PRLR: variants seen among roughly 807,000 people sequenced by gnomAD.
The protein encoded by PRLR is hPRL receptor.
Under a neutral mutation model 40.2 loss-of-function variants are expected in PRLR, and 13 were observed. That is an observed-to-expected ratio of 0.32 (90% CI 0.21 to 0.51). PRLR has a LOEUF of 0.51. PRLR is among the 20% of genes least tolerant of loss of function. The pLI is 0.97. For synonymous variants in PRLR, 269 were observed against 278.7 expected (o/e 0.97, Z 0.35); for missense variants, 656 against 747.3 (o/e 0.88, Z 1.42).
intron 1 of PRLR, among the ~76,000 whole-genome samples, chr5:35,174,592 C>T (rs527392182): frequency 6.6e-6 from 1 of 152,310 alleles, no homozygotes; most frequent in South Asian, 2.1e-4. Flanking sequence ...AGATGCTGTC[C>T]TTTGCCTTAT....
downstream of PRLR, among the ~76,000 whole-genome samples, chr5:35,052,785 G>A (rs1458794033): frequency 6.6e-6 from 1 of 152,158 alleles, no homozygotes; most frequent in Non-Finnish European, 1.5e-5. Context: ...CCTACACAGA[G>A]AGGCTAAGAA....
At chr5:35,136,375 G>T (rs1345089171) in intron 1 of PRLR, among the ~76,000 whole-genome samples, 1 of 152,202 alleles carries the variant, frequency 6.6e-6, no homozygotes, top group African/African-American at 2.4e-5. Context: ...TTTTGGACTG[G>T]ATAATATTTT....
At position 35,226,879 on chromosome 5, in the gene PRLR, C is replaced by A. The variant is rs1776567153; in HGVS notation, c.-106+3389G>T. 3.9e-5 allele frequency among the ~76,000 whole-genome samples: 6 copies of A among 152,348 alleles called. No homozygotes were observed. In the South Asian group the frequency reaches 1.2e-3, roughly 32 times the overall value. On this transcript the variant is annotated intron_variant, in intron 1 of 9. Coordinates refer to ENST00000618457, the MANE Select transcript of PRLR (RefSeq NM_000949.7). The stretch of plus-strand genomic sequence containing the variant: ...GCTGGGATCCTGTGTGTCTCATTCC[C>A]CACTGTGTCATCAAGTGCCCAGCAC...
chr5:35,162,885 C>A (rs139981834), intron 1 of PRLR, among the ~76,000 whole-genome samples: 1 of 152,160 alleles, frequency 6.6e-6, no homozygotes, highest in Admixed American at 6.5e-5. Flanking sequence ...AAGGGGAGTA[C>A]GTTGATATAT....
Position 35,221,458 on chromosome 5 carries a change from T to G in PRLR, c.-106+8810A>C, listed in dbSNP as rs180722376. Among the ~76,000 whole-genome samples the G allele has an allele frequency of 2.0e-4, 31 of 152,322 alleles. No individual in the cohort carries two copies. The East Asian group carries it at 5.6e-3, about 27-fold the overall frequency. On this transcript the variant is annotated intron_variant, in intron 1 of 9. Coordinates refer to ENST00000618457, the MANE Select transcript of PRLR (RefSeq NM_000949.7). Reference sequence around the variant, plus strand: ...AACTTAAATTATGCTCAAAATCATGTTTTTTAAAGAACAGAATGATGAAAT... The same window carrying G: ...AACTTAAATTATGCTCAAAATCATGGTTTTTAAAGAACAGAATGATGAAAT...
At chr5:35,218,699 T>A (rs927466853) in intron 1 of PRLR, among the ~76,000 whole-genome samples, 1 of 152,208 alleles carries the variant, frequency 6.6e-6, no homozygotes, top group Non-Finnish European at 1.5e-5. Flanking sequence ...TTATTTCGCT[T>A]CTACTAATAA....
intron 1 of PRLR, among the ~76,000 whole-genome samples, chr5:35,165,834 T>G (rs7442676): frequency 6.6e-6 from 1 of 152,210 alleles, no homozygotes; most frequent in East Asian, 1.9e-4. Flanking sequence ...GTTCCATGAC[T>G]ATTTCAGCAG....
At chr5:35,096,822 G>A (rs1296397621) in intron 2 of PRLR, among the ~76,000 whole-genome samples, 2 of 152,066 alleles carry the variant, frequency 1.3e-5, no homozygotes, top group Non-Finnish European at 2.9e-5. Flanking sequence ...GCTTTACCAT[G>A]TTGGCCAGGC....
intron 6 of PRLR, among the ~76,000 whole-genome samples, chr5:35,071,014 C>T (rs1422059308): frequency 6.6e-6 from 1 of 152,030 alleles, no homozygotes; most frequent in Non-Finnish European, 1.5e-5. Context: ...ACCTTACAAT[C>T]AAGGGATCAG....
intron 6 of PRLR, 125 bp downstream of exon 6, chr5:35,072,450 G>A: frequency 8.9e-7 from 1 of 1,129,686 alleles, no homozygotes; most frequent in Admixed American, 2.3e-5. Flanking sequence ...ATCTGGGTGG[G>A]TCACAACTGC....
chr5:35,055,178 G>A (rs150201392), downstream of PRLR, among the ~76,000 whole-genome samples: 1,779 of 152,188 alleles, frequency 0.012, 21 homozygotes, highest in Non-Finnish European at 0.017. Flanking sequence ...AGGAAAACAC[G>A]AACAAAAGAA....
chr5:35,229,852 CT>C lies in PRLR; in HGVS notation c.-106+415del, dbSNP rs199583689. On this transcript the variant is annotated intron_variant, in intron 1 of 9. Coordinates refer to ENST00000618457, the MANE Select transcript of PRLR (RefSeq NM_000949.7). ...TCTGCGCCCCTTCCCCCTCCCCGCT[CT>C]TTTTTTCTTTTCTTTTTATTTTGAC... 9.8e-3 allele frequency among the ~76,000 whole-genome samples: 1,493 copies of C among 152,166 alleles called. 23 individuals are homozygous for C. Among genetic ancestry groups the C allele is most frequent in the African/African-American group, 0.034 (1,414 of 41,518 alleles).
At chr5:35,183,388 C>G (rs1313051999) in intron 1 of PRLR, among the ~76,000 whole-genome samples, 1 of 152,144 alleles carries the variant, frequency 6.6e-6, no homozygotes, top group Non-Finnish European at 1.5e-5. Context: ...TTGTCGCCCC[C>G]CAATGGACAC....
chr5:35,156,148 A>G (rs891792925), intron 1 of PRLR, among the ~76,000 whole-genome samples: 100 of 150,308 alleles, frequency 6.7e-4, no homozygotes, highest in Admixed American at 2.0e-4. Flanking sequence ...AACAAAAAAA[A>G]AAACAAAACC....
At chr5:35,157,818 G>C (rs73078809) in intron 1 of PRLR, among the ~76,000 whole-genome samples, 12,427 of 152,272 alleles carry the variant, frequency 0.082, 1,752 homozygotes, top group African/African-American at 0.28. Context: ...CTTTGGGTGA[G>C]TTTTGGCAGC....
At chr5:35,101,556 C>T (rs72734538) in intron 2 of PRLR, among the ~76,000 whole-genome samples, 18,418 of 152,106 alleles carry the variant, frequency 0.12, 2,301 homozygotes, top group African/African-American at 0.32. Flanking sequence ...ATTGTGAAAT[C>T]TTCAACTAGC....
At chr5:35,162,570 G>A (rs1774704031) in intron 1 of PRLR, among the ~76,000 whole-genome samples, 2 of 152,226 alleles carry the variant, frequency 1.3e-5, no homozygotes, top group Admixed American at 1.3e-4. Context: ...GCCCTCCGAA[G>A]AGATTGCTAC....
rs2112474107 is a variant in PRLR at position 35,089,539 on chromosome 5, C to T, written c.70+12G>A. ...CAGGCAATGAAAGAGAGCGTGATAG[C>T]CTCTTACTTACCATTCAGAAGGCAG... On this transcript the variant is annotated intron_variant, in intron 3 of 9. Coordinates refer to ENST00000618457, the MANE Select transcript of PRLR (RefSeq NM_000949.7). 1.3e-6 allele frequency: 2 copies of T among 1,579,894 alleles called. No individual in the cohort carries two copies. Among genetic ancestry groups the T allele is most frequent in the Non-Finnish European group, 1.7e-6 (2 of 1,149,166 alleles).
chr5:35,180,008 C>T (rs1775250182), intron 1 of PRLR, among the ~76,000 whole-genome samples: 1 of 152,172 alleles, frequency 6.6e-6, no homozygotes, highest in Admixed American at 6.5e-5. Flanking sequence ...CCTGAGCTTG[C>T]TTTCCTGCAA....
Sources: allele counts gnomAD v4.1 joint callset (sites outside exome capture counted in the v4.1 genomes callset), GRCh38; gene constraint gnomAD v4.1.1; transcripts MANE v1.5; gene names NCBI Gene and HGNC (gene_info 2026-07-23, HGNC 2026-07-21).